The following CYP2D6 variants were observed in gnomAD, a reference collection of about 807,000 sequenced individuals.
The protein encoded by CYP2D6 is cytochrome P450 family 2 subfamily D member 6 (gene/pseudogene), also known as cytochrome P450 2D6.
In CYP2D6, 51 loss-of-function variants were observed where a neutral mutation model predicts 43.5. The ratio of observed to expected loss-of-function variants is 1.17; its 90% CI spans 0.94 to 1.48. The LOEUF (loss-of-function observed/expected upper bound fraction) is 1.48, where lower values mean the gene tolerates loss of function less well. Ranked by LOEUF, CYP2D6 falls within the 40% of genes most tolerant of loss-of-function variation. CYP2D6 has a pLI of 0.00. For synonymous variants in CYP2D6, 346 were observed against 297.1 expected (o/e 1.16, Z -1.69); for missense variants, 698 against 688.0 (o/e 1.01, Z -0.16).
Position 42,127,341 on chromosome 22 carries a change from G to A in CYP2D6, c.1173+106C>T, listed in dbSNP as rs1389775164. On this transcript the variant is annotated intron_variant, in intron 7 of 8. Transcript: ENST00000645361. ...GGACAGTCAGTGTGGTGGCATTGAG[G>A]ACTAGGTGGCCAGGGTTCCTAGAGT... The A allele has an allele frequency of 8.8e-6, 11 of 1,251,904 alleles. No homozygotes were observed. The African/African-American group carries it at 8.9e-5, about 10-fold the overall frequency. 77.5% of individuals were successfully genotyped at this position (1,251,904 alleles called of 1,614,324 possible).
intron 5 of CYP2D6, 25 bp downstream of exon 5, chr22:42,128,149 C>A: frequency 6.3e-7 from 1 of 1,593,348 alleles, no homozygotes; most frequent in Non-Finnish European, 8.6e-7. Flanking sequence ...CCACCCTTGC[C>A]CCCCACCGTG....
chr22:42,127,739 G>C lies in CYP2D6; in HGVS notation c.985+103C>G, dbSNP rs760733463. On this transcript the variant is annotated intron_variant, in intron 6 of 8. Transcript: ENST00000645361. Reference sequence around the variant, plus strand: ...AGGAGGTCAGGCTTACAGGATCCTGGTCAAGCCTGTGCTTGGAGCCCCGGG... The same window carrying C: ...AGGAGGTCAGGCTTACAGGATCCTGCTCAAGCCTGTGCTTGGAGCCCCGGG... The C allele has an allele frequency of 4.5e-6, 7 of 1,570,464 alleles. 1 individual carries two copies. Among genetic ancestry groups the C allele is most frequent in the South Asian group, 1.1e-5 (1 of 90,044 alleles).
Position 42,129,478 on chromosome 22 carries a change from C to G in CYP2D6, c.352+260G>C, listed in dbSNP as rs1931658043. 14 of 724,824 alleles carry G rather than the reference C, an allele frequency of 1.9e-5. 1 individual carries two copies. Among genetic ancestry groups the G allele is most frequent in the South Asian group, 1.3e-4 (8 of 62,744 alleles). The allele number at this position is 724,824 out of a possible 1,614,324, so 44.9% of individuals were successfully genotyped here. A position where few individuals can be genotyped will look rare whatever the true frequency, so the allele number is the denominator to read the frequency against. On this transcript the variant is annotated intron_variant, in intron 2 of 8. Coordinates refer to ENST00000645361, the MANE Select transcript of CYP2D6 (RefSeq NM_000106.6). Reference sequence around the variant, plus strand: ...CGGTCCCCGCCCCCCACTTCGACACCGGATTCCAGCTGGGAAATGCGCCAG... The same window carrying G: ...CGGTCCCCGCCCCCCACTTCGACACGGGATTCCAGCTGGGAAATGCGCCAG...
At chr22:42,127,711 TGGA>T in intron 6 of CYP2D6, 77 bp from the exon 7 acceptor site, 1 of 1,569,126 alleles carries the variant, frequency 6.4e-7, no homozygotes, top group Non-Finnish European at 8.8e-7. Context: ...CCTCCTATGT[TGGA>T]GGAGGTCAGG....
At position 42,127,969 on chromosome 22, in the gene CYP2D6, A is replaced by G. The variant is rs143436456; in HGVS notation, c.858T>C (p.Pro286=). The G allele has an allele frequency of 1.2e-5, 20 of 1,611,372 alleles. 1 individual carries two copies. Among genetic ancestry groups the G allele is most frequent in the Non-Finnish European group, 1.5e-5 (18 of 1,178,310 alleles). Residue 286 remains proline (P), a synonymous_variant, in exon 6 of 9, where the codon CCT becomes CCC. Transcript: ENST00000645361. ...GGTTCTCATCATTGAAGCTGCTCTC[A>G]GGGTTCCCCTTGGCCTGAGCAGGGC... The part of the protein sequence containing the change: ...LAEMEKAKGN[P]ESSFNDENLR...
At position 42,128,891 on chromosome 22, in the gene CYP2D6, C is replaced by G. The variant is rs1602578192; in HGVS notation, c.559G>C (p.Ala187Pro). 2 of 1,596,598 alleles carry G rather than the reference C, an allele frequency of 1.3e-6. No individual in the cohort carries two copies. Among genetic ancestry groups the G allele is most frequent in the African/African-American group, 1.3e-5 (1 of 74,164 alleles). The change falls in exon 4 of 9, where the codon GCC (alanine) becomes CCC (proline). Residue 187 changes from alanine (A) to proline (P), a missense_variant. This residue lies in a region of CYP2D6 where 588 missense variants were observed against 521.1 expected (regional missense o/e 1.13). Coordinates refer to ENST00000645361, the MANE Select transcript of CYP2D6 (RefSeq NM_000106.6). Reference sequence around the variant, plus strand: ...AAGCGGCGCCCGCAGGTGAGGGAGGCGATCACGTTGCTCACGGCTTTGTCC... The same window carrying G: ...AAGCGGCGCCCGCAGGTGAGGGAGGGGATCACGTTGCTCACGGCTTTGTCC... ...LLDKAVSNVI[A>P]SLTCGRRFEY...
At position 42,130,787 on chromosome 22, in the gene CYP2D6, C is replaced by G; in HGVS notation, c.5G>C (p.Gly2Ala). 1 of 1,566,914 alleles carries G rather than the reference C, an allele frequency of 6.4e-7. No individual in the cohort carries two copies. Residue 2 changes from glycine to alanine, a missense_variant, in exon 1 of 9, where the codon GGG (glycine) becomes GCG (alanine). Gly to Ala is a moderately conservative substitution (Grantham distance 60). This residue lies in a region of CYP2D6 where 588 missense variants were observed against 521.1 expected (regional missense o/e 1.13). Transcript: ENST00000645361. Reference sequence around the variant, plus strand: ...GGCCAGGGGCACCAGTGCTTCTAGCCCCATACCTGCCTCACTACCAAATGG... The same window carrying G: ...GGCCAGGGGCACCAGTGCTTCTAGCGCCATACCTGCCTCACTACCAAATGG... M[G>A]LEALVPLAVI...
rs771490928 is a variant in CYP2D6, at chr22:42,129,150, C to G, written c.388G>C (p.Glu130Gln). Residue 130 changes from glutamate (E) to glutamine (Q), a missense_variant, in exon 3 of 9, where the codon GAG becomes CAG. Glu to Gln is a conservative substitution (Grantham distance 29). This residue lies in a region of CYP2D6 where 588 missense variants were observed against 521.1 expected (regional missense o/e 1.13). Coordinates refer to ENST00000645361, the MANE Select transcript of CYP2D6 (RefSeq NM_000106.6). ...GTGGACACGGAGAAGCGCCTCTGCT[C>G]GCGCCACGCGGGCCCATAGCGCGCC... ...FLARYGPAWR[E>Q]QRRFSVSTLR... 1 of 1,608,562 alleles carries G rather than the reference C, an allele frequency of 6.2e-7. No individual in the cohort carries two copies. The highest frequency in any genetic ancestry group is 8.5e-7 in the Non-Finnish European group (1 of 1,178,052).
intron 2 of CYP2D6, 129 bp downstream of exon 2, chr22:42,129,609 T>C: frequency 3.9e-6 from 5 of 1,288,502 alleles, no homozygotes; most frequent in Non-Finnish European, 5.5e-6. Flanking sequence ...GGTGGTTTCT[T>C]GGCCCGCTGT....
In CYP2D6 at chr22:42,128,308, C is replaced by A. The variant is rs28371717; in HGVS notation, c.709G>T (p.Ala237Ser). The change falls in exon 5 of 9, where the codon GCT becomes TCT. Residue 237 changes from alanine to serine, a missense_variant. Coordinates refer to ENST00000645361, the MANE Select transcript of CYP2D6 (RefSeq NM_000106.6). ...VPVLLHIPAL[A>S]GKVLRFQKAF... ...TTTTGGAAGCGTAGGACCTTGCCAG[C>A]CAGCGCTGGGATATGCAGGAGGACG... 0.01 allele frequency: 16,712 copies of A among 1,610,552 alleles called. 650 individuals are homozygous for A. Among genetic ancestry groups the A allele is most frequent in the Non-Finnish European group, 0.012 (14,279 of 1,177,980 alleles).
In CYP2D6 at chr22:42,127,981, G is replaced by A; in HGVS notation, c.846C>T (p.Ala282=). 3.1e-6 allele frequency: 5 copies of A among 1,611,416 alleles called. No homozygotes were observed. The highest frequency in any genetic ancestry group is 4.2e-6 in the Non-Finnish European group (5 of 1,178,348). Reference sequence around the variant, plus strand: ...TGAAGCTGCTCTCAGGGTTCCCCTTGGCCTGAGCAGGGCCGAGAGCATACT... The same window carrying A: ...TGAAGCTGCTCTCAGGGTTCCCCTTAGCCTGAGCAGGGCCGAGAGCATACT... ...TEAFLAEMEK[A]KGNPESSFND... Residue 282 remains alanine (A), a splice_region_variant and synonymous_variant, in exon 6 of 9, where the codon GCC becomes GCT. Transcript: ENST00000645361.
At position 42,126,700 on chromosome 22, in the gene CYP2D6, G is replaced by A. The variant is rs1193130504; in HGVS notation, c.1368C>T (p.Phe456=). The change falls in exon 9 of 9, where the codon TTC becomes TTT. Residue 456 remains phenylalanine, a synonymous_variant. Coordinates refer to ENST00000645361, the MANE Select transcript of CYP2D6 (RefSeq NM_000106.6). ...TGAAGTGCTGCAGCAGGGAGGTGAA[G>A]AAGAGGAAGAGCTCCATGCGGGCCA... The part of the protein sequence containing the change: ...EPLARMELFL[F]FTSLLQHFSF... The A allele has an allele frequency of 3.1e-6, 5 of 1,590,632 alleles. No individual in the cohort carries two copies. Among genetic ancestry groups the A allele is most frequent in the South Asian group, 2.3e-5 (2 of 87,666 alleles).
rs779059957 is a variant in CYP2D6, at chr22:42,129,794, G to T, written c.296C>A (p.Ala99Asp). ...GGTGATGGGCACAGGCGGGCGGTCG[G>T]CGGTGTCCTCGCCGTGGGTCACCAG... is the stretch of plus-strand genomic sequence containing the variant. ...EALVTHGEDT[A>D]DRPPVPITQI... Residue 99 changes from alanine (A) to aspartate (D), a missense_variant, in exon 2 of 9, where the codon GCC becomes GAC. Physicochemically the swap from Ala to Asp is moderately radical, Grantham distance 126 (BLOSUM62 -2). Around this residue, in one of 5 missense-constraint regions of CYP2D6, gnomAD observed 588 missense variants for 521.1 expected, o/e 1.13. Transcript: ENST00000645361. 51 of 1,607,454 alleles carry T rather than the reference G, an allele frequency of 3.2e-5. 1 individual carries two copies. Among genetic ancestry groups the T allele is most frequent in the Non-Finnish European group, 4.2e-5 (49 of 1,177,644 alleles).
chr22:42,128,056 A>G, intron 5 of CYP2D6, 73 bp from the exon 6 acceptor site: 2 of 1,602,696 alleles, frequency 1.2e-6, no homozygotes, highest in East Asian at 2.2e-5. Context: ...TGCACCTGTC[A>G]GCCCAGATGC....
Position 42,128,779 on chromosome 22 carries a change from C to G in CYP2D6, c.666+5G>C, listed in dbSNP as rs752453767. On this transcript the variant is annotated splice_donor_5th_base_variant and intron_variant, in intron 4 of 8. Coordinates refer to ENST00000645361, the MANE Select transcript of CYP2D6 (RefSeq NM_000106.6). ...GCAGAGACTCCTCGGTCTCTCGCTC[C>G]GCACCTCGCGCAGAAAGCCCGACTC... The G allele has an allele frequency of 1.2e-6, 2 of 1,604,186 alleles. 1 individual carries two copies. Among genetic ancestry groups the G allele is most frequent in the East Asian group, 4.5e-5 (2 of 44,372 alleles).
In CYP2D6 at chr22:42,127,911, C is replaced by T. The variant is rs747462046; in HGVS notation, c.916G>A (p.Gly306Arg). 7.4e-6 allele frequency: 12 copies of T among 1,610,988 alleles called. 1 individual carries two copies. Among genetic ancestry groups the T allele is most frequent in the Admixed American group, 1.7e-5 (1 of 59,902 alleles). Residue 306 changes from glycine (G) to arginine (R), a missense_variant, in exon 6 of 9, where the codon GGG (glycine) becomes AGG (arginine). By Grantham distance (125) the Gly-to-Arg change is moderately radical. Coordinates refer to ENST00000645361, the MANE Select transcript of CYP2D6 (RefSeq NM_000106.6). ...AGCGTGGTCGAGGTGGTCACCATCC[C>T]GGCAGAGAACAGGTCAGCCACCACT... ...RIVVADLFSAGMVTTSTTLAW... is the reference protein window; with the variant it reads ...RIVVADLFSARMVTTSTTLAW...
rs753126547 is a variant in CYP2D6 at position 42,126,696 on chromosome 22, TGAA to T, written c.1369_1371del (p.Phe457del). 5 of 1,577,034 alleles carry T rather than the reference TGAA, an allele frequency of 3.2e-6. No homozygotes were observed. Among genetic ancestry groups the T allele is most frequent in the African/African-American group, 1.5e-5 (1 of 68,842 alleles). ...AAGCTGAAGTGCTGCAGCAGGGAGG[TGAA>T]GAAGAGGAAGAGCTCCATGCGGGCC... On this transcript the variant is annotated inframe_deletion, in exon 9 of 9. Coordinates refer to ENST00000645361, the MANE Select transcript of CYP2D6 (RefSeq NM_000106.6).
chr22:42,127,735 C>T (rs1386030337), intron 6 of CYP2D6, 101 bp from the exon 7 acceptor site: 1 of 1,568,302 alleles, frequency 6.4e-7, no homozygotes, highest in South Asian at 1.1e-5. Flanking sequence ...CTTACAGGAT[C>T]CTGGTCAAGC....
chr22:42,129,680 A>G, intron 2 of CYP2D6, 58 bp downstream of exon 2: 1 of 1,598,034 alleles, frequency 6.3e-7, no homozygotes. Context: ...AGCTCGGACT[A>G]CGGTCATCAC....
Sources: allele counts gnomAD v4.1 joint callset, GRCh38; gene constraint gnomAD v4.1.1; regional missense constraint gnomAD v4.1.1; transcripts MANE v1.5; gene names NCBI Gene and HGNC (gene_info 2026-07-23, HGNC 2026-07-21).